Variants in RAB6B observed in about 807,000 individuals in gnomAD.
RAB6B encodes ras-related protein Rab-6B.
Under a neutral mutation model 31.2 loss-of-function variants are expected in RAB6B, and 7 were observed. The observed-to-expected ratio is 0.22, with a 90% CI of 0.13 to 0.42. The LOEUF is 0.42. Among genes scored for constraint, RAB6B ranks in the 10% least tolerant of loss-of-function variants. The pLI, the probability that RAB6B is intolerant of heterozygous loss-of-function variation, is 1.00. For synonymous variants in RAB6B, 105 were observed against 104.9 expected, an observed-to-expected ratio of 1.00 and a Z score of -0.01; for missense variants, 149 against 280.6, an observed-to-expected ratio of 0.53 and a Z score of 3.35.
At chr3:133,839,474 G>A (rs775757156) in intron 5 of RAB6B, 32 bp downstream of exon 5, 1 of 1,545,758 alleles carries the variant, frequency 6.5e-7, no homozygotes, top group Non-Finnish European at 8.9e-7. Context: ...AGTGGAGGGT[G>A]GCACCCTGCA....
At chr3:133,879,689 A>C (rs1024998978) in intron 1 of RAB6B, among the ~76,000 whole-genome samples, 1 of 152,184 alleles carries the variant, frequency 6.6e-6, no homozygotes, top group Non-Finnish European at 1.5e-5. Context: ...CTGAGATCTG[A>C]CCAAACAGCT....
intron 1 of RAB6B, among the ~76,000 whole-genome samples, chr3:133,885,911 A>T (rs1013916960): frequency 6.6e-6 from 1 of 152,098 alleles, no homozygotes; most frequent in South Asian, 2.1e-4. Context: ...TTCTGTTCTG[A>T]CCTAGTTCAG....
At chr3:133,835,745 G>A (rs990642977) in intron 6 of RAB6B, among the ~76,000 whole-genome samples, 2 of 152,014 alleles carry the variant, frequency 1.3e-5, no homozygotes, top group Non-Finnish European at 2.9e-5. Flanking sequence ...CCTCATGAAC[G>A]GGATGAGTGC....
chr3:133,879,263 C>G (rs1936436261), intron 1 of RAB6B, among the ~76,000 whole-genome samples: 1 of 152,204 alleles, frequency 6.6e-6, no homozygotes, highest in Non-Finnish European at 1.5e-5. Context: ...TAATTACACG[C>G]ACACATCCAT....
Position 133,828,053 on chromosome 3 carries a change from C to G in RAB6B, c.*735G>C. 1.4e-6 allele frequency: 1 copy of G among 696,850 alleles called. No individual in the cohort carries two copies. The highest frequency in any genetic ancestry group is 2.6e-6 in the Non-Finnish European group (1 of 381,276). 43.2% of individuals were successfully genotyped at this position (696,850 alleles called of 1,614,324 possible). On this transcript the variant is annotated 3_prime_UTR_variant, in exon 8 of 8. Transcript: ENST00000285208. Reference sequence around the variant, plus strand: ...CACAGAGAACACAAGGTTGCCTGTACCCTCAACCCCCTTCAAGGCTTTTCA... The same window carrying G: ...CACAGAGAACACAAGGTTGCCTGTAGCCTCAACCCCCTTCAAGGCTTTTCA...
Position 133,895,548 on chromosome 3 carries a change from G to T in RAB6B, c.-82C>A. ...GGGGAGAGTAGGAGGGCGAGGGGAG[G>T]CGGCCGGCGGTGCGGGAGCCGGAGG... On this transcript the variant is annotated 5_prime_UTR_variant, in exon 1 of 8. Transcript: ENST00000285208. 6.9e-7 allele frequency: 1 copy of T among 1,441,460 alleles called. No homozygotes were observed. The highest frequency in any genetic ancestry group is 9.6e-7 in the Non-Finnish European group (1 of 1,039,338). 89.3% of individuals were successfully genotyped at this position (1,441,460 alleles called of 1,614,324 possible).
chr3:133,883,794 G>C (rs927092887), intron 1 of RAB6B, among the ~76,000 whole-genome samples: 2 of 152,232 alleles, frequency 1.3e-5, no homozygotes, highest in Non-Finnish European at 2.9e-5. Flanking sequence ...CAGAGAGAAA[G>C]GTTTTCCTTA....
chr3:133,862,584 G>C (rs1936175398), intron 2 of RAB6B, among the ~76,000 whole-genome samples: 2 of 152,234 alleles, frequency 1.3e-5, no homozygotes, highest in Admixed American at 6.5e-5. Flanking sequence ...CATTCCGGCA[G>C]AGGCAATGAC....
chr3:133,882,284 T>C (rs1195514200), intron 1 of RAB6B, among the ~76,000 whole-genome samples: 1 of 152,192 alleles, frequency 6.6e-6, no homozygotes, highest in African/African-American at 2.4e-5. Context: ...CCCATCACCT[T>C]TGAACCTTTG....
At chr3:133,858,930 C>T (rs1315802780) in intron 2 of RAB6B, among the ~76,000 whole-genome samples, 2 of 152,096 alleles carry the variant, frequency 1.3e-5, no homozygotes, top group African/African-American at 2.4e-5. Context: ...GACCAGTGGC[C>T]TACTTTAGAG....
chr3:133,862,773 T>C (rs1936182517), intron 2 of RAB6B, among the ~76,000 whole-genome samples: 2 of 152,164 alleles, frequency 1.3e-5, no homozygotes, highest in Admixed American at 1.3e-4. Context: ...CTTTGATCCA[T>C]ACTAATGGGA....
chr3:133,877,466 G>A (rs927018566), intron 1 of RAB6B, among the ~76,000 whole-genome samples: 1 of 152,114 alleles, frequency 6.6e-6, no homozygotes, highest in Non-Finnish European at 1.5e-5. Flanking sequence ...TCCTCAGAAG[G>A]GCTGGGCCTC....
Position 133,895,443 on chromosome 3 carries a change from C to G in RAB6B, c.24G>C (p.Gly8=). 1 of 1,610,964 alleles carries G rather than the reference C, an allele frequency of 6.2e-7. No homozygotes were observed. The highest frequency in any genetic ancestry group is 8.5e-7 in the Non-Finnish European group (1 of 1,178,712). MSAGGDF[G]NPLRKFKLVF... is the part of the protein sequence containing the mutation. ...CCAACTTGAATTTTCTCAGTGGATT[C>G]CCAAAATCTCCCCCTGCGGACATGG... The change falls in exon 1 of 8, where the codon GGG becomes GGC. Residue 8 remains glycine, a synonymous_variant. Transcript: ENST00000285208.
chr3:133,858,041 GC>G (rs1936106535), intron 2 of RAB6B, among the ~76,000 whole-genome samples: 1 of 152,048 alleles, frequency 6.6e-6, no homozygotes, highest in Non-Finnish European at 1.5e-5. Context: ...CTCCAGGCCT[GC>G]CTCCCACAAA....
At position 133,895,628 on chromosome 3, in the gene RAB6B, C is replaced by G; in HGVS notation, c.-162G>C. On this transcript the variant is annotated 5_prime_UTR_variant, in exon 1 of 8. Transcript: ENST00000285208. ...TCCCCAGCTGCGTCCCGGTCCCGGC[C>G]TGCGGCTGCGTGTCCGGCGGCGGAG... The G allele has an allele frequency of 1.5e-6, 1 of 649,970 alleles. No individual in the cohort carries two copies. The highest frequency in any genetic ancestry group is 2.6e-6 in the Non-Finnish European group (1 of 381,752). The allele number at this position is 649,970 out of a possible 1,614,324, so 40.3% of individuals were successfully genotyped here.
chr3:133,839,698 G>C, intron 4 of RAB6B, 81 bp from the exon 5 acceptor site: 1 of 1,035,754 alleles, frequency 9.7e-7, no homozygotes, highest in East Asian at 2.4e-5. Flanking sequence ...TGAGCCAGGA[G>C]CAGGAGGGAG....
chr3:133,891,031 G>A (rs1936630868), intron 1 of RAB6B, among the ~76,000 whole-genome samples: 1 of 152,214 alleles, frequency 6.6e-6, no homozygotes. Context: ...AAATTGGTGG[G>A]AGGAGGAAAC....
At chr3:133,838,294 C>G (rs367751665) in intron 5 of RAB6B, 35 bp from the exon 6 acceptor site, 1 of 1,582,056 alleles carries the variant, frequency 6.3e-7, no homozygotes, top group Admixed American at 1.7e-5. Flanking sequence ...ATCAGCTCAG[C>G]AGAGAAGCAG....
Position 133,828,857 on chromosome 3 carries a change from AG to A in RAB6B, c.563-6del. Reference sequence around the variant, plus strand: ...TGTCCAGCTTGATGTCGATCACTGCAGGGGGACGGGCTAAGGAAGATGACTC... The same window carrying A: ...TGTCCAGCTTGATGTCGATCACTGCAGGGGACGGGCTAAGGAAGATGACTC... On this transcript the variant is annotated splice_region_variant and splice_polypyrimidine_tract_variant and intron_variant, in intron 7 of 7. Transcript: ENST00000285208. 6.2e-7 allele frequency: 1 copy of A among 1,609,920 alleles called. No homozygotes were observed. The highest frequency in any genetic ancestry group is 8.5e-7 in the Non-Finnish European group (1 of 1,177,186).
Sources: gnomAD v4.1 joint callset for allele counts (sites outside exome capture counted in the v4.1 genomes callset) on GRCh38, gnomAD v4.1.1 for gene constraint, MANE v1.5 for transcripts, NCBI Gene and HGNC (gene_info 2026-07-23, HGNC 2026-07-21) for gene names.